The following UNC13C variants were observed in gnomAD, a reference collection of about 807,000 sequenced individuals.
UNC13C encodes the protein protein unc-13 homolog C.
In UNC13C, 174 loss-of-function variants were observed where a neutral mutation model predicts 245.4. That is an observed-to-expected ratio of 0.71 (90% confidence interval 0.63 to 0.80). UNC13C has a LOEUF of 0.80. UNC13C is among the 30% of genes least tolerant of loss of function. The probability of loss-of-function intolerance (pLI) is 0.00; values close to 1 mark genes in which losing one functional copy is unlikely to be tolerated. For missense variants in UNC13C, 2,829 were observed against 2,602.9 expected, an observed-to-expected ratio of 1.09 and a Z score of -1.89; for synonymous variants, 992 against 895.1, an observed-to-expected ratio of 1.11 and a Z score of -1.93.
chr15:54,227,960 G>A (rs1232094685), intron 4 of UNC13C, among the ~76,000 whole-genome samples: 4 of 152,158 alleles, frequency 2.6e-5, no homozygotes, highest in Non-Finnish European at 5.9e-5. Flanking sequence ...TCTCATTGCT[G>A]GTGGGTCCAG....
At chr15:53,927,183 C>T in the UNC13C span, among the ~76,000 whole-genome samples, 2 of 152,148 alleles carry the variant, frequency 1.3e-5, no homozygotes. Flanking sequence ...AAGTAACACT[C>T]CCAAGATGAC....
chr15:54,252,633 G>T (rs9806325), intron 8 of UNC13C, among the ~76,000 whole-genome samples: 23,712 of 152,068 alleles, frequency 0.16, 3,560 homozygotes, highest in African/African-American at 0.39. Context: ...TTAAGAAATT[G>T]ATCTTCTTCA....
intron 17 of UNC13C, among the ~76,000 whole-genome samples, chr15:54,349,236 A>G (rs2038927317): frequency 6.6e-6 from 1 of 151,236 alleles, no homozygotes; most frequent in Admixed American, 6.6e-5. Context: ...ACTTGTAACA[A>G]GAAATTGTTC....
chr15:54,056,148 G>A (rs1595780406), intron 2 of UNC13C, among the ~76,000 whole-genome samples: 1 of 152,176 alleles, frequency 6.6e-6, no homozygotes, highest in African/African-American at 2.4e-5. Context: ...GGCTTCAGAA[G>A]CTCAAACTAC....
intron 2 of UNC13C, among the ~76,000 whole-genome samples, chr15:54,039,012 C>G (rs1266977445): frequency 6.6e-6 from 1 of 152,160 alleles, no homozygotes; most frequent in Non-Finnish European, 1.5e-5. Context: ...GGTCTAGATG[C>G]AGTTGATTCT....
At position 54,145,855 on chromosome 15, in the gene UNC13C, C is replaced by G. The variant is rs531938951; in HGVS notation, c.3071+2171C>G. Among the ~76,000 whole-genome samples the G allele has an allele frequency of 3.3e-5, 5 of 152,338 alleles. No homozygotes were observed. In the South Asian group the frequency reaches 1.0e-3, roughly 32 times the overall value. On this transcript the variant is annotated intron_variant, in intron 4 of 32. Coordinates refer to ENST00000260323, the MANE Select transcript of UNC13C (RefSeq NM_001080534.3). Reference sequence around the variant, plus strand: ...TCCTTGTCAGAGCAACAGAGTTAATCTACATCCATGCTTTTGTTAAGCACA... The same window carrying G: ...TCCTTGTCAGAGCAACAGAGTTAATGTACATCCATGCTTTTGTTAAGCACA...
At chr15:54,139,388 A>G (rs1385687358) in intron 2 of UNC13C, among the ~76,000 whole-genome samples, 2 of 152,154 alleles carry the variant, frequency 1.3e-5, no homozygotes, top group Non-Finnish European at 2.9e-5. Context: ...GTGATGTACC[A>G]GACGTTAGGA....
chr15:54,303,755 A>G (rs2037651523), intron 13 of UNC13C, among the ~76,000 whole-genome samples: 1 of 151,710 alleles, frequency 6.6e-6, no homozygotes, highest in Non-Finnish European at 1.5e-5. Flanking sequence ...TTGGTTTTAT[A>G]CATTTTAGGG....
intron 1 of UNC13C, among the ~76,000 whole-genome samples, chr15:53,979,860 T>C (rs570257004): frequency 6.6e-6 from 1 of 152,296 alleles, no homozygotes; most frequent in East Asian, 1.9e-4. Context: ...AAAATCATCT[T>C]ACCACCTTTT....
At chr15:53,886,215 A>G in the UNC13C span, among the ~76,000 whole-genome samples, 1 of 152,332 alleles carries the variant, frequency 6.6e-6, no homozygotes, top group South Asian at 2.1e-4. Flanking sequence ...TTCTAATATC[A>G]TTCTCCAACA....
intron 28 of UNC13C, among the ~76,000 whole-genome samples, chr15:54,551,840 T>C (rs1447175895): frequency 6.6e-6 from 1 of 151,998 alleles, no homozygotes; most frequent in African/African-American, 2.4e-5. Flanking sequence ...TACAGTATTA[T>C]GCAAAAACCT....
At chr15:54,453,431 A>G (rs1596401885) in intron 19 of UNC13C, among the ~76,000 whole-genome samples, 1 of 152,350 alleles carries the variant, frequency 6.6e-6, no homozygotes, top group East Asian at 1.9e-4. Context: ...AGATGCCTCT[A>G]GTCAGCCATC....
chr15:53,839,469 T>G, the UNC13C span, among the ~76,000 whole-genome samples: 4 of 152,184 alleles, frequency 2.6e-5, no homozygotes, highest in African/African-American at 9.6e-5. Context: ...TGTCACTCTT[T>G]ACAAGAATGC....
the UNC13C span, among the ~76,000 whole-genome samples, chr15:53,885,496 T>C: frequency 6.6e-6 from 1 of 152,206 alleles, no homozygotes; most frequent in Admixed American, 6.5e-5. Flanking sequence ...CAGTCTATTG[T>C]CATTGGATCA....
intron 26 of UNC13C, among the ~76,000 whole-genome samples, chr15:54,542,508 A>T (rs1340796747): frequency 6.6e-6 from 1 of 152,180 alleles, no homozygotes; most frequent in East Asian, 1.9e-4. Flanking sequence ...GTAGAAGTCT[A>T]TTAGGTCCAC....
downstream of UNC13C, chr15:54,628,811 T>G (rs1901364096): frequency 1.0e-5 from 1 of 99,440 alleles, no homozygotes; most frequent in Non-Finnish European, 2.0e-5. Context: ...GAAAAATGTT[T>G]GTTTGTTTAT....
At chr15:54,506,440 T>C (rs1894480613) in intron 22 of UNC13C, among the ~76,000 whole-genome samples, 1 of 152,062 alleles carries the variant, frequency 6.6e-6, no homozygotes, top group South Asian at 2.1e-4. Context: ...CCAGGATTTA[T>C]TGGTCTGCTG....
intron 4 of UNC13C, among the ~76,000 whole-genome samples, chr15:54,201,562 G>A (rs779496537): frequency 1.3e-5 from 2 of 151,602 alleles, no homozygotes; most frequent in Non-Finnish European, 3.0e-5. Context: ...GAAAACAAAA[G>A]TCACATGATT....
At chr15:54,306,952 C>T (rs116621559) in intron 13 of UNC13C, among the ~76,000 whole-genome samples, 2,280 of 152,066 alleles carry the variant, frequency 0.015, 67 homozygotes, top group African/African-American at 0.053. Flanking sequence ...TTAATGGAGT[C>T]ATTCATTTGT....
Sources: gnomAD v4.1 joint callset for allele counts (sites outside exome capture counted in the v4.1 genomes callset) on GRCh38, gnomAD v4.1.1 for gene constraint, MANE v1.5 for transcripts, NCBI Gene and HGNC (gene_info 2026-07-23, HGNC 2026-07-21) for gene names.